The following GPHN variants were observed in gnomAD, a reference collection of about 807,000 sequenced individuals.
The protein encoded by GPHN is gephyrin.
Under a neutral mutation model 95.5 loss-of-function variants are expected in GPHN, and 17 were observed. The observed-to-expected ratio is 0.18, with a 90% confidence interval of 0.12 to 0.27. The LOEUF (loss-of-function observed/expected upper bound fraction) is 0.27, where lower values mean the gene tolerates loss of function less well. Ranked by LOEUF, GPHN falls within the 10% of genes least tolerant of loss-of-function variation. The pLI is 1.00. For missense variants in GPHN, 660 were observed against 978.1 expected, an observed-to-expected ratio of 0.67 and a Z score of 4.34; for synonymous variants, 320 against 322.5, an observed-to-expected ratio of 0.99 and a Z score of 0.08.
chr14:67,631,466 C>T, the GPHN span, among the ~76,000 whole-genome samples: 6 of 130,280 alleles, frequency 4.6e-5, no homozygotes, highest in Middle Eastern at 4.9e-3. Flanking sequence ...GACAGGGTCT[C>T]ACTCTGTCAT....
chr14:66,837,770 A>G (rs1019673909), intron 4 of GPHN, among the ~76,000 whole-genome samples: 1 of 151,848 alleles, frequency 6.6e-6, no homozygotes, highest in Non-Finnish European at 1.5e-5. Flanking sequence ...CAAAAACAAA[A>G]ATTTCCTATA....
chr14:67,648,220 T>A, the GPHN span: 3 of 1,590,264 alleles, frequency 1.9e-6, no homozygotes, highest in Non-Finnish European at 2.6e-6. Context: ...GTTAACTACA[T>A]AGGTAAATAT....
the GPHN span, chr14:67,692,428 C>T: frequency 1.2e-6 from 2 of 1,614,042 alleles, no homozygotes; most frequent in Non-Finnish European, 1.7e-6. Context: ...CTCTCTAGTT[C>T]TACACTTACC....
At chr14:67,385,698 C>T in the GPHN span, 1 of 145,042 alleles carries the variant, frequency 6.9e-6, no homozygotes, top group African/African-American at 2.6e-5. Flanking sequence ...GTTATATTGC[C>T]TGGGCAGGTC....
chr14:67,120,254 GA>G (rs559867554), intron 16 of GPHN, among the ~76,000 whole-genome samples: 148 of 151,652 alleles, frequency 9.8e-4, no homozygotes, highest in Middle Eastern at 3.4e-3. Context: ...TTTTTCTTTT[GA>G]AACTGTAATA....
Position 67,056,119 on chromosome 14 carries a change from C to G in GPHN, c.1007-2530C>G, listed in dbSNP as rs140509564. On this transcript the variant is annotated intron_variant, in intron 10 of 22. Transcript: ENST00000478722. ...GGAGGGGGACCCCAGCAGGTTGCTGCTGCTGGCTTGGGCAGCCTGCTTTTA... is the reference window on the plus strand; with the variant it reads ...GGAGGGGGACCCCAGCAGGTTGCTGGTGCTGGCTTGGGCAGCCTGCTTTTA... Among the ~76,000 whole-genome samples, 601 of 152,360 alleles carry G rather than the reference C, an allele frequency of 3.9e-3. 4 individuals carry two copies. Among genetic ancestry groups the G allele is most frequent in the African/African-American group, 0.014 (564 of 41,580 alleles).
the GPHN span, chr14:67,533,172 G>A: frequency 6.6e-6 from 1 of 152,076 alleles, no homozygotes; most frequent in Non-Finnish European, 1.5e-5. Context: ...GCGGAGCGTT[G>A]AATGGGGCGC....
At chr14:66,533,096 A>G (rs2059007396) in intron 1 of GPHN, among the ~76,000 whole-genome samples, 1 of 152,152 alleles carries the variant, frequency 6.6e-6, no homozygotes, top group Non-Finnish European at 1.5e-5. Flanking sequence ...TTAACAAGTT[A>G]ATAATTTGTT....
At chr14:66,968,491 G>A (rs1302698206) in intron 9 of GPHN, among the ~76,000 whole-genome samples, 1 of 151,876 alleles carries the variant, frequency 6.6e-6, no homozygotes, top group African/African-American at 2.4e-5. Context: ...TTTCAAATTC[G>A]GCATGCACAG....
the GPHN span, chr14:67,383,623 C>A: frequency 1.3e-6 from 1 of 752,422 alleles, no homozygotes; most frequent in Non-Finnish European, 2.1e-6. Flanking sequence ...TGTTGTCACA[C>A]AGTAGCTCCA....
chr14:67,363,012 A>C, the GPHN span, among the ~76,000 whole-genome samples: 2 of 152,202 alleles, frequency 1.3e-5, no homozygotes, highest in African/African-American at 2.4e-5. Context: ...CATCAAATTA[A>C]GCCTTGCTTC....
the GPHN span, among the ~76,000 whole-genome samples, chr14:67,460,685 C>T: frequency 1.3e-5 from 2 of 152,150 alleles, no homozygotes; most frequent in East Asian, 3.9e-4. Flanking sequence ...GCCTGGGCAA[C>T]AGTGAGACTC....
At chr14:66,776,376 G>A in intron 2 of GPHN, 88 bp from the exon 3 acceptor site, 1 of 828,136 alleles carries the variant, frequency 1.2e-6, no homozygotes, top group Non-Finnish European at 2.2e-6. Context: ...GGAGTTATTG[G>A]TAGCATTCTG....
chr14:67,362,525 G>C, the GPHN span, among the ~76,000 whole-genome samples: 1 of 152,108 alleles, frequency 6.6e-6, no homozygotes, highest in South Asian at 2.1e-4. Context: ...TGGCACAGAT[G>C]AGAAACTACA....
At chr14:67,499,716 G>C in the GPHN span, among the ~76,000 whole-genome samples, 1 of 152,150 alleles carries the variant, frequency 6.6e-6, no homozygotes, top group African/African-American at 2.4e-5. Flanking sequence ...ACCTCCAATA[G>C]GTTAAAAAGG....
intron 2 of GPHN, among the ~76,000 whole-genome samples, chr14:66,697,715 T>C (rs2068205042): frequency 6.7e-6 from 1 of 149,718 alleles, no homozygotes; most frequent in Non-Finnish European, 1.5e-5. Context: ...TGAGATGAGG[T>C]CTACCTCTTT....
chr14:66,543,789 C>T (rs906871168), intron 1 of GPHN, among the ~76,000 whole-genome samples: 1 of 152,182 alleles, frequency 6.6e-6, no homozygotes, highest in Non-Finnish European at 1.5e-5. Context: ...TTCCCCACCA[C>T]TTTCACTGCC....
chr14:67,018,266 TTAAAA>T, intron 9 of GPHN, among the ~76,000 whole-genome samples: 1 of 152,282 alleles, frequency 6.6e-6, no homozygotes, highest in African/African-American at 2.4e-5. Flanking sequence ...ACTTTTATAC[TTAAAA>T]TGAATGAGTT....
At chr14:67,375,529 CA>C in the GPHN span, among the ~76,000 whole-genome samples, 2,640 of 131,026 alleles carry the variant, frequency 0.02, 25 homozygotes, top group Non-Finnish European at 0.031. Context: ...GATAAAATAT[CA>C]AAAAAAAAAA....
Sources: allele counts gnomAD v4.1 joint callset (sites outside exome capture counted in the v4.1 genomes callset), GRCh38; gene constraint gnomAD v4.1.1; transcripts MANE v1.5; gene names NCBI Gene and HGNC (gene_info 2026-07-23, HGNC 2026-07-21).